The following HKDC1 variants were observed in gnomAD, a reference collection of about 807,000 sequenced individuals.
The protein encoded by HKDC1 is hexokinase domain containing 1, also known as hexokinase HKDC1.
A neutral mutation model predicts 96.6 loss-of-function variants in HKDC1; 66 were observed. The observed-to-expected ratio is 0.68, with a 90% CI of 0.56 to 0.84. HKDC1 has a LOEUF of 0.84. Among genes scored for constraint, HKDC1 ranks in the 40% least tolerant of loss-of-function variants. The probability of loss-of-function intolerance (pLI) is 0.00; values close to 1 mark genes in which losing one functional copy is unlikely to be tolerated. For synonymous variants in HKDC1, 466 were observed against 473.1 expected (o/e 0.98, Z 0.20); for missense variants, 1,211 against 1,208.1 (o/e 1.00, Z -0.04).
At chr10:69,263,370 A>T (rs1843839655) in intron 16 of HKDC1, among the ~76,000 whole-genome samples, 2 of 152,214 alleles carry the variant, frequency 1.3e-5, no homozygotes, top group Non-Finnish European at 2.9e-5. Context: ...AAGTGGTAGG[A>T]TTACAGGCAT....
chr10:69,265,934 G>A (rs1843891910), intron 17 of HKDC1, 116 bp downstream of exon 17: 1 of 748,408 alleles, frequency 1.3e-6, no homozygotes, highest in African/African-American at 1.8e-5. Flanking sequence ...TCCTTTTATG[G>A]GAAAGGAGTG....
intron 16 of HKDC1, among the ~76,000 whole-genome samples, chr10:69,264,451 G>A (rs1400380018): frequency 2.0e-5 from 3 of 150,410 alleles, no homozygotes; most frequent in Non-Finnish European, 4.4e-5. Context: ...ATGGCTCACT[G>A]CAACCTCAAA....
intron 1 of HKDC1, among the ~76,000 whole-genome samples, chr10:69,222,260 C>T (rs1053311525): frequency 6.6e-6 from 1 of 152,154 alleles, no homozygotes; most frequent in Admixed American, 6.6e-5. Flanking sequence ...AGTGTGGCCC[C>T]TTACAGCCCT....
chr10:69,235,286 G>A (rs1335748627), intron 4 of HKDC1, among the ~76,000 whole-genome samples: 2 of 152,252 alleles, frequency 1.3e-5, no homozygotes, highest in East Asian at 3.9e-4. Flanking sequence ...GCTGGGCCTG[G>A]TGGCGGGCGC....
intron 5 of HKDC1, 125 bp downstream of exon 5, chr10:69,239,262 G>A: frequency 3.1e-6 from 2 of 637,706 alleles, no homozygotes; most frequent in Non-Finnish European, 5.5e-6. Context: ...ATCAGAGAAG[G>A]AATTGATCTT....
chr10:69,250,980 G>A (rs534988462), intron 12 of HKDC1, among the ~76,000 whole-genome samples: 68 of 151,604 alleles, frequency 4.5e-4, no homozygotes, highest in Non-Finnish European at 8.1e-4. Context: ...CAATTGGGCA[G>A]TAATACGATC....
At chr10:69,223,367 T>C (rs1372620534) in intron 1 of HKDC1, 1 of 152,202 alleles carries the variant, frequency 6.6e-6, no homozygotes, top group Non-Finnish European at 1.5e-5. Context: ...GTTATGTTTA[T>C]AAGGTACATA....
intron 12 of HKDC1, among the ~76,000 whole-genome samples, chr10:69,256,211 A>G (rs988082761): frequency 6.6e-6 from 1 of 152,186 alleles, no homozygotes. Flanking sequence ...TGTGTGGAAA[A>G]CACCTTTCTC....
In HKDC1 at chr10:69,257,430, G is replaced by A. The variant is rs978563732; in HGVS notation, c.2032+4G>A. On this transcript the variant is annotated splice_donor_region_variant and intron_variant, in intron 14 of 17. Transcript: ENST00000354624. ...TGTGAGATTGGCCTGATTGCAGGTAGGTGGTCAGGCATGGCCCATTGGCCT... is the reference window on the plus strand; with the variant it reads ...TGTGAGATTGGCCTGATTGCAGGTAAGTGGTCAGGCATGGCCCATTGGCCT... 5.6e-6 allele frequency: 9 copies of A among 1,601,230 alleles called. No individual in the cohort carries two copies. Among genetic ancestry groups the A allele is most frequent in the Non-Finnish European group, 7.7e-6 (9 of 1,168,376 alleles).
chr10:69,225,334 C>G (rs1358839777), intron 1 of HKDC1, among the ~76,000 whole-genome samples: 2 of 152,186 alleles, frequency 1.3e-5, no homozygotes, highest in Non-Finnish European at 2.9e-5. Flanking sequence ...CTTCCCCAAC[C>G]CCAATTACTT....
At chr10:69,240,466 C>A (rs899079392) in intron 5 of HKDC1, among the ~76,000 whole-genome samples, 186 bp from the exon 6 acceptor site, 5 of 152,190 alleles carry the variant, frequency 3.3e-5, no homozygotes, top group African/African-American at 1.2e-4. Context: ...TCTTCAGCTC[C>A]TGTCGGCTCT....
intron 6 of HKDC1, among the ~76,000 whole-genome samples, chr10:69,242,133 G>A (rs748446009): frequency 6.6e-6 from 1 of 152,100 alleles, no homozygotes; most frequent in Non-Finnish European, 1.5e-5. Context: ...TGTCCCTCAA[G>A]ACCCTCCTCA....
At chr10:69,258,421 T>C (rs1326140182) in intron 14 of HKDC1, among the ~76,000 whole-genome samples, 1 of 152,164 alleles carries the variant, frequency 6.6e-6, no homozygotes, top group East Asian at 1.9e-4. Flanking sequence ...TGACTGCTAA[T>C]TTTACGACTG....
intron 6 of HKDC1, among the ~76,000 whole-genome samples, chr10:69,242,236 A>C (rs1161579215): frequency 6.6e-6 from 1 of 152,202 alleles, no homozygotes; most frequent in Admixed American, 6.5e-5. Context: ...GGCCCTTGCC[A>C]GTCATGGCAC....
At position 69,232,838 on chromosome 10, in the gene HKDC1, G is replaced by A; in HGVS notation, c.301G>A (p.Gly101Arg). 1.9e-6 allele frequency: 3 copies of A among 1,614,102 alleles called. No individual in the cohort carries two copies. The highest frequency in any genetic ancestry group is 2.5e-6 in the Non-Finnish European group (3 of 1,180,016). Residue 101 changes from glycine to arginine, a missense_variant, in exon 3 of 18, where the codon GGG (glycine) becomes AGG (arginine). By Grantham distance (125) the Gly-to-Arg change is moderately radical. Coordinates refer to ENST00000354624, the MANE Select transcript of HKDC1 (RefSeq NM_025130.4). The part of the protein sequence containing the change: ...RVLKVQVAEE[G>R]KRHVQMESQF... ...GCTGAAGGTGCAAGTCGCTGAAGAG[G>A]GGAAGCGACACGTGCAGATGGAGAG...
At chr10:69,255,707 A>G (rs1843708150) in intron 12 of HKDC1, among the ~76,000 whole-genome samples, 2 of 152,150 alleles carry the variant, frequency 1.3e-5, no homozygotes, top group Admixed American at 6.6e-5. Flanking sequence ...ACTTGAGGTC[A>G]GGAGTTCAAG....
intron 4 of HKDC1, among the ~76,000 whole-genome samples, chr10:69,235,888 A>G (rs765814895): frequency 2.0e-5 from 3 of 152,150 alleles, no homozygotes; most frequent in Non-Finnish European, 4.4e-5. Flanking sequence ...CAAATGCTTT[A>G]TGCGCATTAT....
At chr10:69,228,308 G>A (rs7907764) in intron 2 of HKDC1, among the ~76,000 whole-genome samples, 9,720 of 152,162 alleles carry the variant, frequency 0.064, 1,073 homozygotes, top group African/African-American at 0.22. Flanking sequence ...CTGTGATCAC[G>A]TTAGTCATGC....
chr10:69,239,193 G>C (rs1843414198), intron 5 of HKDC1, 56 bp downstream of exon 5: 7 of 1,375,868 alleles, frequency 5.1e-6, no homozygotes, highest in Non-Finnish European at 7.2e-6. Context: ...CTTTCTCTTG[G>C]GTTGGTGGGG....
Sources: gnomAD v4.1 joint callset for allele counts (sites outside exome capture counted in the v4.1 genomes callset) on GRCh38, gnomAD v4.1.1 for gene constraint, MANE v1.5 for transcripts, NCBI Gene and HGNC (gene_info 2026-07-23, HGNC 2026-07-21) for gene names.